Variants in ECHDC1 observed in about 807,000 individuals in gnomAD.
ECHDC1 encodes ethylmalonyl-CoA decarboxylase.
A neutral mutation model predicts 29.7 loss-of-function variants in ECHDC1; 29 were observed. The observed-to-expected ratio is 0.98, with a 90% CI of 0.73 to 1.33. The LOEUF is 1.33. Among genes scored for constraint, ECHDC1 ranks in the 40% most tolerant of loss-of-function variants. The pLI is 0.00. For synonymous variants in ECHDC1, 126 were observed against 123.1 expected (o/e 1.02, Z -0.15); for missense variants, 328 against 350.0 (o/e 0.94, Z 0.50).
intron 3 of ECHDC1, among the ~76,000 whole-genome samples, chr6:127,320,208 G>A (rs1380985196): frequency 1.3e-5 from 2 of 152,022 alleles, no homozygotes; most frequent in African/African-American, 4.8e-5. Flanking sequence ...AGTAGAAACG[G>A]GTTTCACCAT....
chr6:127,327,054 G>C lies in ECHDC1; in HGVS notation c.311C>G (p.Thr104Ser), dbSNP rs1441331462. 2 of 1,613,898 alleles carry C rather than the reference G, an allele frequency of 1.2e-6. No individual in the cohort carries two copies. The highest frequency in any genetic ancestry group is 1.7e-6 in the Non-Finnish European group (2 of 1,179,980). The change falls in exon 3 of 6, where the codon ACT becomes AGT. Residue 104 changes from threonine (T) to serine (S), a missense_variant. Coordinates refer to ENST00000454859, the MANE Select transcript of ECHDC1 (RefSeq NM_001002030.2). ...ATTCAGATCAGATCCTGAAGAGAAA[G>C]TATTTTTTGCCCCACGGACAATGAG... ...KGLIVRGAKN[T>S]FSSGSDLNAV... is the part of the protein sequence containing the mutation.
chr6:127,331,064 A>C (rs1325455154), intron 1 of ECHDC1, 34 bp from the exon 2 acceptor site: 1 of 1,514,964 alleles, frequency 6.6e-7, no homozygotes, highest in African/African-American at 1.4e-5. Flanking sequence ...GGTAGTATAG[A>C]TGAATAGGCA....
rs542716434 is a variant in ECHDC1 at position 127,323,541 on chromosome 6, G to A, written c.363+3461C>T. On this transcript the variant is annotated intron_variant, in intron 3 of 5. Transcript: ENST00000454859. Reference sequence around the variant, plus strand: ...TCTTGAATCCTCACAATAGCTCAGCGAAATATCCACTATACTCCTCATTTA... The same window carrying A: ...TCTTGAATCCTCACAATAGCTCAGCAAAATATCCACTATACTCCTCATTTA... 2.6e-5 allele frequency among the ~76,000 whole-genome samples: 4 copies of A among 152,174 alleles called. No homozygotes were observed. The South Asian group carries it at 6.2e-4, about 24-fold the overall frequency.
chr6:127,339,825 T>C (rs868460199), intron 1 of ECHDC1, among the ~76,000 whole-genome samples: 1 of 151,608 alleles, frequency 6.6e-6, no homozygotes, highest in Non-Finnish European at 1.5e-5. Flanking sequence ...TATTTCACTG[T>C]TGGGGTTTTT....
intron 5 of ECHDC1, among the ~76,000 whole-genome samples, chr6:127,299,082 G>T (rs1002071139): frequency 6.6e-6 from 1 of 151,770 alleles, no homozygotes. Flanking sequence ...GCCCAGGCTG[G>T]TCTCCAACTC....
At chr6:127,290,990 C>G (rs1204360159) in intron 5 of ECHDC1, among the ~76,000 whole-genome samples, 1 of 151,882 alleles carries the variant, frequency 6.6e-6, no homozygotes, top group Non-Finnish European at 1.5e-5. Flanking sequence ...ATGAGCAATG[C>G]AAAAATCTGG....
At chr6:127,315,150 T>A (rs1330232108) in intron 4 of ECHDC1, 3 of 618,440 alleles carry the variant, frequency 4.9e-6, no homozygotes, top group Non-Finnish European at 9.0e-6. Flanking sequence ...TGAATCATTA[T>A]ATATTTTTAA....
chr6:127,311,669 C>CAAAAAAAAAAAAAAAAAAAAAA (rs71272311), intron 5 of ECHDC1, among the ~76,000 whole-genome samples: 11 of 25,036 alleles, frequency 4.4e-4, no homozygotes, highest in Non-Finnish European at 6.3e-4. Flanking sequence ...GGCTCTGTCT[C>CAAAAAAAAAAAAAAAAAAAAAA]AAAAAAAAAA....
chr6:127,295,071 C>T (rs1780489015), intron 5 of ECHDC1, among the ~76,000 whole-genome samples: 1 of 151,888 alleles, frequency 6.6e-6, no homozygotes, highest in African/African-American at 2.4e-5. Context: ...GCCTCAGCCT[C>T]CCAAGTAGCT....
intron 1 of ECHDC1, among the ~76,000 whole-genome samples, chr6:127,331,569 C>A (rs1272701396): frequency 6.6e-6 from 1 of 152,140 alleles, no homozygotes; most frequent in Non-Finnish European, 1.5e-5. Context: ...CACTAAGAGA[C>A]AATGGCATAA....
chr6:127,317,682 A>G (rs1195338060), intron 3 of ECHDC1, among the ~76,000 whole-genome samples: 4 of 152,240 alleles, frequency 2.6e-5, no homozygotes, highest in Non-Finnish European at 5.9e-5. Flanking sequence ...CTAGCGGTCA[A>G]TAAGGCTCAG....
intron 5 of ECHDC1, among the ~76,000 whole-genome samples, chr6:127,296,734 G>A (rs1301480541): frequency 3.9e-5 from 6 of 152,132 alleles, no homozygotes; most frequent in African/African-American, 7.2e-5. Flanking sequence ...TAAATGGGCT[G>A]TGCGCAGTGG....
chr6:127,324,017 T>C (rs1393544685), intron 3 of ECHDC1, among the ~76,000 whole-genome samples: 2 of 152,186 alleles, frequency 1.3e-5, no homozygotes, highest in Non-Finnish European at 1.5e-5. Flanking sequence ...GTAAAACTTA[T>C]CATGAGATGC....
At chr6:127,334,604 C>T (rs112500790) in intron 1 of ECHDC1, among the ~76,000 whole-genome samples, 1,542 of 152,168 alleles carry the variant, frequency 0.01, 26 homozygotes, top group African/African-American at 0.035. Context: ...TTACCTAAAT[C>T]CTGAATCTCT....
At chr6:127,296,924 G>A (rs763012098) in intron 5 of ECHDC1, among the ~76,000 whole-genome samples, 1 of 151,972 alleles carries the variant, frequency 6.6e-6, no homozygotes, top group African/African-American at 2.4e-5. Context: ...AGGATGACTT[G>A]AGTCCTAGAG....
intron 4 of ECHDC1, 31 bp from the exon 5 acceptor site, chr6:127,314,927 A>G (rs1184736886): frequency 1.3e-5 from 20 of 1,572,182 alleles, no homozygotes; most frequent in Non-Finnish European, 1.7e-5. Flanking sequence ...TGATGTTACT[A>G]TTTTTAATTT....
rs548407325 is a variant in ECHDC1, at chr6:127,327,451, G to A, written c.221-307C>T. Among the ~76,000 whole-genome samples, 14 of 152,200 alleles carry A rather than the reference G, an allele frequency of 9.2e-5. No individual in the cohort carries two copies. In the East Asian group the frequency reaches 1.7e-3, roughly 19 times the overall value. On this transcript the variant is annotated intron_variant, in intron 2 of 5. Coordinates refer to ENST00000454859, the MANE Select transcript of ECHDC1 (RefSeq NM_001002030.2). Reference sequence around the variant, plus strand: ...TATGCTGTCCTAAGAATAAGAAAACGATATGGTAATAAGAAAAAATTATTT... The same window carrying A: ...TATGCTGTCCTAAGAATAAGAAAACAATATGGTAATAAGAAAAAATTATTT...
intron 4 of ECHDC1, chr6:127,315,471 C>T (rs928273265): frequency 1.3e-5 from 3 of 233,682 alleles, no homozygotes; most frequent in Admixed American, 5.2e-5. Flanking sequence ...AAATCTTTTA[C>T]CTTTCCTGTT....
intron 3 of ECHDC1, among the ~76,000 whole-genome samples, chr6:127,318,511 CAG>C (rs1782577269): frequency 6.6e-6 from 1 of 152,092 alleles, no homozygotes; most frequent in Admixed American, 6.6e-5. Context: ...ATAATTTTGC[CAG>C]AGATACAGAA....
Sources: allele counts gnomAD v4.1 joint callset (sites outside exome capture counted in the v4.1 genomes callset), GRCh38; gene constraint gnomAD v4.1.1; transcripts MANE v1.5; gene names NCBI Gene and HGNC (gene_info 2026-07-23, HGNC 2026-07-21).